The following ASH1L variants were observed in gnomAD, a reference collection of about 807,000 sequenced individuals.
ASH1L encodes the protein ASH1 like histone lysine methyltransferase.
ASH1L carries 23 observed loss-of-function variants against 269.0 expected under a neutral mutation model. That is an observed-to-expected ratio of 0.09 (90% confidence interval 0.06 to 0.12). The LOEUF (loss-of-function observed/expected upper bound fraction) is 0.12. Among genes scored for constraint, ASH1L ranks in the 10% least tolerant of loss-of-function variants. ASH1L has a pLI of 1.00. For missense variants in ASH1L, 2,912 were observed against 3,567.8 expected (o/e 0.82, Z 4.68); for synonymous variants, 1,187 against 1,253.5 (o/e 0.95, Z 1.12).
At chr1:155,545,242 A>C (rs1224300231) in intron 1 of ASH1L, among the ~76,000 whole-genome samples, 1 of 149,908 alleles carries the variant, frequency 6.7e-6, no homozygotes, top group Non-Finnish European at 1.5e-5. Flanking sequence ...TTGAAATTCA[A>C]AATAGCAAGT....
chr1:155,478,651 T>G lies in ASH1L; in HGVS notation c.4219A>C (p.Thr1407Pro), dbSNP rs778162199. ...GGAGATGGAGGAGGTGGATAAAGAG[T>G]GGGAGGATACCTTCCATAGTAACCT... ...GLGYYGRYPP[T>P]LYPPPPSPSF... Residue 1407 changes from threonine (T) to proline (P), a missense_variant, in exon 3 of 28, where the codon ACT (threonine) becomes CCT (proline). By Grantham distance (38) the Thr-to-Pro change is conservative. Around this residue, in one of 13 missense-constraint regions of ASH1L, gnomAD observed 789 missense variants for 897.6 expected, o/e 0.88. Transcript: ENST00000392403. The surrounding 1 kb of genome is among the most constrained non-coding windows in gnomAD (Gnocchi z 4.6). 1.1e-4 allele frequency: 176 copies of G among 1,612,996 alleles called. 1 individual carries two copies. In the South Asian group the frequency reaches 1.9e-3, roughly 17 times the overall value.
chr1:155,514,173 G>C (rs904715660), intron 2 of ASH1L, among the ~76,000 whole-genome samples: 27 of 152,168 alleles, frequency 1.8e-4, no homozygotes, highest in Admixed American at 7.2e-4. Flanking sequence ...TAGAGTGTCA[G>C]CTGGAAAATG....
In ASH1L at chr1:155,357,866, G is replaced by T. The variant is rs1654553634; in HGVS notation, c.6796-117C>A. On this transcript the variant is annotated intron_variant, in intron 13 of 27. Transcript: ENST00000392403. Reference sequence around the variant, plus strand: ...GCTCACTGCAGTCTCAACCTCCTGGGCTCAACTGATCCTCCTATCTCAGCC... The same window carrying T: ...GCTCACTGCAGTCTCAACCTCCTGGTCTCAACTGATCCTCCTATCTCAGCC... The T allele has an allele frequency of 1.3e-5, 12 of 957,034 alleles. No homozygotes were observed. In the South Asian group the frequency reaches 2.0e-4, roughly 16 times the overall value. The allele number at this position is 957,034 out of a possible 1,614,324, so 59.3% of individuals were successfully genotyped here. A position where few individuals can be genotyped will look rare whatever the true frequency, so the allele number is the denominator to read the frequency against.
At chr1:155,510,059 C>G (rs1221984313) in intron 2 of ASH1L, among the ~76,000 whole-genome samples, 8 of 151,882 alleles carry the variant, frequency 5.3e-5, no homozygotes, top group Non-Finnish European at 8.8e-5. Flanking sequence ...AGGTAAAAAG[C>G]TAAATATTTC....
intron 26 of ASH1L, among the ~76,000 whole-genome samples, chr1:155,338,905 C>A (rs1256802271): frequency 6.6e-6 from 1 of 152,142 alleles, no homozygotes; most frequent in Non-Finnish European, 1.5e-5. Context: ...TGTCATCTTT[C>A]TTCAGGAATA....
intron 4 of ASH1L, among the ~76,000 whole-genome samples, chr1:155,450,699 A>G (rs1299069327): frequency 6.6e-6 from 1 of 152,250 alleles, no homozygotes; most frequent in Non-Finnish European, 1.5e-5. Context: ...ACTTCTGGGT[A>G]TATACCAGAA....
intron 4 of ASH1L, among the ~76,000 whole-genome samples, chr1:155,449,521 T>G (rs1257379801): frequency 1.3e-5 from 2 of 150,714 alleles, no homozygotes; most frequent in Non-Finnish European, 3.0e-5. Context: ...AAAATGTGGT[T>G]GTTTTTTTTT....
rs1215251302 is a variant in ASH1L at position 155,478,243 on chromosome 1, G to A, written c.4627C>T (p.Leu1543Phe). The A allele has an allele frequency of 6.2e-7, 1 of 1,614,054 alleles. No homozygotes were observed. The highest frequency in any genetic ancestry group is 2.2e-5 in the East Asian group (1 of 44,888). Reference sequence around the variant, plus strand: ...TTTATTAAGCTTTTTGAAGGAGAGAGATGAGGGCAGGACATGTGACAACGG... The same window carrying A: ...TTTATTAAGCTTTTTGAAGGAGAGAAATGAGGGCAGGACATGTGACAACGG... ...KHRCHMSCPH[L>F]SPSKSLINRE... The change falls in exon 3 of 28, where the codon CTC (leucine) becomes TTC (phenylalanine). Residue 1543 changes from leucine (L) to phenylalanine (F), a missense_variant. Transcript: ENST00000392403. This position sits in a 1 kb window ranked among gnomAD's most constrained non-coding sequence, Gnocchi z 4.6.
chr1:155,415,991 T>TAAAA, intron 5 of ASH1L, 68 bp from the exon 6 acceptor site: 40 of 1,032,972 alleles, frequency 3.9e-5, no homozygotes, highest in Middle Eastern at 3.5e-4. Flanking sequence ...ATTGTCTACT[T>TAAAA]AAAAAAAAAA....
At chr1:155,452,153 C>T (rs1663529009) in intron 4 of ASH1L, among the ~76,000 whole-genome samples, 2 of 151,982 alleles carry the variant, frequency 1.3e-5, no homozygotes, top group Admixed American at 1.3e-4. Context: ...ATTCTCGTGC[C>T]TCAGCCTCCC....
At chr1:155,440,505 T>C in intron 4 of ASH1L, 4 of 918,872 alleles carry the variant, frequency 4.4e-6, no homozygotes, top group Non-Finnish European at 5.2e-6. Context: ...ATACTTACTT[T>C]CCCACTGGGA....
At chr1:155,434,259 C>T in intron 5 of ASH1L, 1 of 1,599,806 alleles carries the variant, frequency 6.3e-7, no homozygotes, top group Non-Finnish European at 8.5e-7. Flanking sequence ...TGCATTCAAA[C>T]TGAGGTGCCT....
intron 12 of ASH1L, among the ~76,000 whole-genome samples, chr1:155,365,525 T>C (rs557602984): frequency 2.6e-5 from 4 of 152,130 alleles, no homozygotes; most frequent in South Asian, 2.1e-4. Flanking sequence ...GCCTGGCATA[T>C]TGACAGTTCT....
intron 3 of ASH1L, among the ~76,000 whole-genome samples, chr1:155,472,808 G>A (rs1010602277): frequency 1.3e-5 from 2 of 152,088 alleles, no homozygotes; most frequent in African/African-American, 4.8e-5. Flanking sequence ...TTTAATATGA[G>A]CAATTTTTTA....
At chr1:155,525,852 G>A (rs1243343288) in intron 1 of ASH1L, among the ~76,000 whole-genome samples, 1 of 151,818 alleles carries the variant, frequency 6.6e-6, no homozygotes, top group Admixed American at 6.6e-5. Context: ...CGATGCTCAA[G>A]TCACTTATAT....
chr1:155,343,340 A>G lies in ASH1L; in HGVS notation c.8267T>C (p.Val2756Ala). 6.2e-7 allele frequency: 1 copy of G among 1,614,042 alleles called. No individual in the cohort carries two copies. Among genetic ancestry groups the G allele is most frequent in the Non-Finnish European group, 8.5e-7 (1 of 1,179,974 alleles). Reference sequence around the variant, plus strand: ...TTTACAATACGTATAAAGGTCCAACACACAGCAGGTCCCCACTACAGCCTC... The same window carrying G: ...TTTACAATACGTATAAAGGTCCAACGCACAGCAGGTCCCCACTACAGCCTC... ...PLEAVVGTCCVLDLYTYCKGR... is the reference protein window; with the variant it reads ...PLEAVVGTCCALDLYTYCKGR... The change falls in exon 24 of 28, where the codon GTG (valine) becomes GCG (alanine). Residue 2756 changes from valine (V) to alanine (A), a missense_variant. Transcript: ENST00000392403. This position sits in a 1 kb window ranked among gnomAD's most constrained non-coding sequence, Gnocchi z 6.1.
intron 2 of ASH1L, among the ~76,000 whole-genome samples, chr1:155,491,045 TTATC>T (rs915603341): frequency 7.0e-6 from 1 of 143,064 alleles, no homozygotes; most frequent in Non-Finnish European, 1.5e-5. Flanking sequence ...TATATTTGAC[TTATC>T]TATTATTCTA....
In ASH1L at chr1:155,521,093, T is replaced by C. The variant is rs1668854413; in HGVS notation, c.420+7A>G. ...AATAACCACATATTGTTAGGAATTC[T>C]ACTTACTCGTTTTGAAGGACAGTGT... On this transcript the variant is annotated splice_region_variant and intron_variant, in intron 2 of 27. Coordinates refer to ENST00000392403, the MANE Select transcript of ASH1L (RefSeq NM_018489.3). 1.3e-6 allele frequency: 2 copies of C among 1,582,234 alleles called. No homozygotes were observed. The highest frequency in any genetic ancestry group is 1.4e-5 in the African/African-American group (1 of 72,996).
chr1:155,374,067 G>A (rs1318944373), intron 10 of ASH1L, among the ~76,000 whole-genome samples: 1 of 152,220 alleles, frequency 6.6e-6, no homozygotes, highest in East Asian at 1.9e-4. Flanking sequence ...GGTGGCTCAT[G>A]CCTGTAATCC....
Sources: allele counts gnomAD v4.1 joint callset (sites outside exome capture counted in the v4.1 genomes callset), GRCh38; gene constraint gnomAD v4.1.1; regional missense constraint gnomAD v4.1.1; non-coding constraint Gnocchi (gnomAD v3.1); transcripts MANE v1.5; gene names NCBI Gene and HGNC (gene_info 2026-07-23, HGNC 2026-07-21).